PTPN20: variants seen among roughly 807,000 people sequenced by gnomAD.
The protein encoded by PTPN20 is protein tyrosine phosphatase non-receptor type 20.
Under a neutral mutation model 35.0 loss-of-function variants are expected in PTPN20, and 9 were observed. The ratio of observed to expected loss-of-function variants is 0.26; its 90% CI spans 0.15 to 0.45. PTPN20 has a LOEUF of 0.45. PTPN20 is among the 20% of genes least tolerant of loss of function. The probability of loss-of-function intolerance (pLI) is 1.00; values close to 1 mark genes in which losing one functional copy is unlikely to be tolerated. For missense variants in PTPN20, 111 were observed against 312.5 expected (o/e 0.36, Z 4.86); for synonymous variants, 32 against 100.2 (o/e 0.32, Z 4.06).
At chr10:46,998,699 A>G (rs1476517435) in intron 9 of PTPN20, among the ~76,000 whole-genome samples, 6 of 152,208 alleles carry the variant, frequency 3.9e-5, no homozygotes, top group African/African-American at 1.4e-4. Context: ...AGCTTTGTGG[A>G]TTGTCCCAAT....
chr10:46,919,503 G>T (rs1420583275), intron 1 of PTPN20, among the ~76,000 whole-genome samples: 1 of 125,914 alleles, frequency 7.9e-6, no homozygotes, highest in Admixed American at 8.2e-5. Flanking sequence ...TCTTTTCTTA[G>T]TGGTTACTCT....
chr10:46,999,807 T>C, intron 9 of PTPN20, 105 bp from the exon 10 acceptor site: 1 of 1,332,504 alleles, frequency 7.5e-7, no homozygotes, highest in Non-Finnish European at 1.1e-6. Context: ...GAAAATGAGA[T>C]CTTTCTGATT....
At chr10:46,940,814 A>C (rs1555134575) in intron 3 of PTPN20, 97 bp downstream of exon 3, 1 of 1,213,036 alleles carries the variant, frequency 8.2e-7, no homozygotes, top group African/African-American at 1.6e-5. Flanking sequence ...GGTTCTCACC[A>C]AAATGATTTC....
intron 9 of PTPN20, among the ~76,000 whole-genome samples, chr10:46,995,333 C>CTTTTTTTTTTTTT (rs878968027): frequency 4.7e-5 from 4 of 85,680 alleles, no homozygotes; most frequent in East Asian, 3.5e-4. Context: ...TTTTTTTTTT[C>CTTTTTTTTTTTTT]TTTTTTTTTT....
chr10:46,944,669 A>G (rs2044175283), intron 4 of PTPN20, among the ~76,000 whole-genome samples: 3 of 129,746 alleles, frequency 2.3e-5, no homozygotes, highest in Admixed American at 7.5e-5. Flanking sequence ...TTGTATGCGT[A>G]TTGTATGAAA....
intron 9 of PTPN20, among the ~76,000 whole-genome samples, chr10:46,993,679 A>G (rs1327303858): frequency 6.6e-6 from 1 of 152,248 alleles, no homozygotes; most frequent in African/African-American, 2.4e-5. Context: ...TCTATGCTTT[A>G]ACTCCATCCC....
At chr10:46,947,094 A>G (rs1555141985) in intron 5 of PTPN20, among the ~76,000 whole-genome samples, 2 of 145,360 alleles carry the variant, frequency 1.4e-5, no homozygotes, top group African/African-American at 5.0e-5. Flanking sequence ...TAACAAATAT[A>G]TAATAAATTA....
chr10:46,994,382 G>C (rs1325501595), intron 9 of PTPN20, among the ~76,000 whole-genome samples: 1 of 142,322 alleles, frequency 7.0e-6, no homozygotes, highest in African/African-American at 2.6e-5. Context: ...AGGCGGGAGT[G>C]CAGTGGCGCA....
At chr10:46,945,599 G>A (rs2044502242) in intron 4 of PTPN20, among the ~76,000 whole-genome samples, 1 of 152,204 alleles carries the variant, frequency 6.6e-6, no homozygotes, top group Admixed American at 6.5e-5. Flanking sequence ...TTGGTGGGCA[G>A]GTGTAATTAA....
intron 7 of PTPN20, among the ~76,000 whole-genome samples, chr10:46,977,104 G>C (rs1309615538): frequency 6.6e-6 from 1 of 152,226 alleles, no homozygotes; most frequent in African/African-American, 2.4e-5. Context: ...GAGTAAAGCT[G>C]ATTAGCCTCC....
In PTPN20 at chr10:46,920,502, A is replaced by T. The variant is rs1404670944; in HGVS notation, c.-124+9001A>T. On this transcript the variant is annotated intron_variant, in intron 1 of 10. Transcript: ENST00000374339. ...TATACCATAGGGAAAGAGTATATAT[A>T]TATGCTCCATAGACAATTAAAGACA... 1.3e-5 allele frequency among the ~76,000 whole-genome samples: 2 copies of T among 150,580 alleles called. 1 individual carries two copies. Among genetic ancestry groups the T allele is most frequent in the African/African-American group, 5.0e-5 (2 of 39,938 alleles).
Position 46,999,972 on chromosome 10 carries a change from A to G in PTPN20, c.1195A>G (p.Lys399Glu). 1 of 1,613,812 alleles carries G rather than the reference A, an allele frequency of 6.2e-7. No individual in the cohort carries two copies. The highest frequency in any genetic ancestry group is 8.5e-7 in the Non-Finnish European group (1 of 1,179,722). ...ACAACGTTCTGGCATGGTTCAAACGAAGGTAAGCTTTCACCACATACATAA... is the reference window on the plus strand; with the variant it reads ...ACAACGTTCTGGCATGGTTCAAACGGAGGTAAGCTTTCACCACATACATAA... ...REQRSGMVQT[K>E]EQYHFCYDIV... is the part of the protein sequence containing the mutation. The change falls in exon 10 of 11, where the codon AAG becomes GAG. Residue 399 changes from lysine to glutamate, a missense_variant and splice_region_variant. Lys to Glu is a moderately conservative substitution (Grantham distance 56). Transcript: ENST00000374339.
chr10:46,976,946 A>G, intron 7 of PTPN20, among the ~76,000 whole-genome samples: 1 of 151,638 alleles, frequency 6.6e-6, no homozygotes. Flanking sequence ...CAAATCATCT[A>G]CTAAAATTTT....
intron 2 of PTPN20, among the ~76,000 whole-genome samples, chr10:46,937,886 T>C (rs1323724008): frequency 1.3e-5 from 2 of 150,160 alleles, no homozygotes; most frequent in African/African-American, 2.4e-5. Context: ...TTGTGAATTA[T>C]ATGATTTTGG....
intron 9 of PTPN20, among the ~76,000 whole-genome samples, chr10:46,993,139 C>A (rs1479843492): frequency 1.3e-5 from 2 of 152,208 alleles, no homozygotes; most frequent in Non-Finnish European, 2.9e-5. Context: ...AATAGACTCT[C>A]AGTCACATGG....
chr10:47,000,792 C>G lies in PTPN20; in HGVS notation c.*51C>G. ...GAAATTACCAAGTGGGTTTGCACCT[C>G]CTCATAAAGAACATGTTTGCACTGT... On this transcript the variant is annotated 3_prime_UTR_variant, in exon 11 of 11. Coordinates refer to ENST00000374339, the MANE Select transcript of PTPN20 (RefSeq NM_001042357.5). The G allele has an allele frequency of 6.2e-7, 1 of 1,601,262 alleles. No homozygotes were observed. Among genetic ancestry groups the G allele is most frequent in the South Asian group, 1.1e-5 (1 of 90,800 alleles).
chr10:47,000,112 C>T (rs1323635053), intron 10 of PTPN20, 138 bp downstream of exon 10: 1 of 1,298,444 alleles, frequency 7.7e-7, no homozygotes, highest in Non-Finnish European at 1.1e-6. Flanking sequence ...ATTAGTTTTG[C>T]TCTGATTCTC....
rs1343436321 is a variant in PTPN20, at chr10:46,939,427, G to A, written c.35-1196G>A. Among the ~76,000 whole-genome samples, 33 of 127,194 alleles carry A rather than the reference G, an allele frequency of 2.6e-4. No individual in the cohort carries two copies. In the East Asian group the frequency reaches 5.2e-3, roughly 20 times the overall value. 83.4% of individuals were successfully genotyped at this position (127,194 alleles called of 152,430 possible). On this transcript the variant is annotated intron_variant, in intron 2 of 10. Transcript: ENST00000374339. Reference sequence around the variant, plus strand: ...TACACTTGATCTTAGCCAAAAGGCCGAGAAGCGATCCTTTTTCATTTTTAA... The same window carrying A: ...TACACTTGATCTTAGCCAAAAGGCCAAGAAGCGATCCTTTTTCATTTTTAA...
chr10:46,998,870 C>T (rs1354373359), intron 9 of PTPN20, among the ~76,000 whole-genome samples: 3 of 151,932 alleles, frequency 2.0e-5, no homozygotes, highest in Non-Finnish European at 2.9e-5. Context: ...GCCTATAATC[C>T]CAGACCTTAG....
Sources: allele counts gnomAD v4.1 joint callset (sites outside exome capture counted in the v4.1 genomes callset), GRCh38; gene constraint gnomAD v4.1.1; transcripts MANE v1.5; gene names NCBI Gene and HGNC (gene_info 2026-07-23, HGNC 2026-07-21).